The following ABCA9 variants were observed in gnomAD, a reference collection of about 807,000 sequenced individuals.
The protein encoded by ABCA9 is ATP-binding cassette sub-family A member 9.
A neutral mutation model predicts 205.3 loss-of-function variants in ABCA9; 183 were observed. The ratio of observed to expected loss-of-function variants is 0.89; its 90% confidence interval spans 0.79 to 1.01. The LOEUF (loss-of-function observed/expected upper bound fraction) is 1.01. Ranked by LOEUF, ABCA9 falls within the 50% of genes least tolerant of loss-of-function variation. The pLI is 0.00. For missense variants in ABCA9, 1,805 were observed against 1,912.4 expected (o/e 0.94, Z 1.05); for synonymous variants, 651 against 683.3 (o/e 0.95, Z 0.74).
At position 69,009,858 on chromosome 17, in the gene ABCA9, A is replaced by G. The variant is rs1246259510; in HGVS notation, c.3148-1623T>C. On this transcript the variant is annotated intron_variant, in intron 23 of 38. Coordinates refer to ENST00000340001, the MANE Select transcript of ABCA9 (RefSeq NM_080283.4). Reference sequence around the variant, plus strand: ...ATGAGAGAGAAAGAAAGACATTGACATCGTGGGGTTGCCAGTTAAATTTGA... The same window carrying G: ...ATGAGAGAGAAAGAAAGACATTGACGTCGTGGGGTTGCCAGTTAAATTTGA... Among the ~76,000 whole-genome samples, 5 of 152,278 alleles carry G rather than the reference A, an allele frequency of 3.3e-5. No homozygotes were observed. The Middle Eastern group carries it at 0.017, about 518-fold the overall frequency.
chr17:69,028,649 G>C lies in ABCA9; in HGVS notation c.1505-4C>G. On this transcript the variant is annotated splice_polypyrimidine_tract_variant and splice_region_variant and intron_variant, in intron 11 of 38. Coordinates refer to ENST00000340001, the MANE Select transcript of ABCA9 (RefSeq NM_080283.4). ...TCATATATGTCAAACACCACACCTG[G>C]CATGATTTTAAAAAAAATTACACTC... 4 of 1,538,982 alleles carry C rather than the reference G, an allele frequency of 2.6e-6. No individual in the cohort carries two copies. Among genetic ancestry groups the C allele is most frequent in the Non-Finnish European group, 3.5e-6 (4 of 1,140,178 alleles).
the ABCA9 span, among the ~76,000 whole-genome samples, chr17:69,077,295 A>G: frequency 6.6e-6 from 1 of 152,102 alleles, no homozygotes; most frequent in Admixed American, 6.6e-5. Context: ...AAAGTTTTTA[A>G]ATTTCCATGT....
At chr17:69,037,106 A>G (rs2071369360) in intron 6 of ABCA9, among the ~76,000 whole-genome samples, 3 of 152,092 alleles carry the variant, frequency 2.0e-5, no homozygotes, top group Non-Finnish European at 1.5e-5. Flanking sequence ...ACTCTGACAC[A>G]ATAATAATGG....
At chr17:69,071,452 G>A in the ABCA9 span, among the ~76,000 whole-genome samples, 2 of 152,270 alleles carry the variant, frequency 1.3e-5, no homozygotes, top group East Asian at 3.9e-4. Flanking sequence ...AGGCAAACAG[G>A]GTCTGGAGTG....
At chr17:69,045,407 G>A in intron 3 of ABCA9, 71 bp from the exon 4 acceptor site, 1 of 1,415,572 alleles carries the variant, frequency 7.1e-7, no homozygotes, top group Non-Finnish European at 9.4e-7. Context: ...CAATTATGTT[G>A]AGGTTATTTT....
intron 25 of ABCA9, among the ~76,000 whole-genome samples, chr17:69,006,262 G>A (rs1440634822): frequency 6.6e-6 from 1 of 152,178 alleles, no homozygotes; most frequent in African/African-American, 2.4e-5. Context: ...TGAATACATT[G>A]TGACCTAGTA....
rs572069831 is a variant in ABCA9 at position 68,995,799 on chromosome 17, C to T, written c.3555+96G>A. On this transcript the variant is annotated intron_variant, in intron 26 of 38. Coordinates refer to ENST00000340001, the MANE Select transcript of ABCA9 (RefSeq NM_080283.4). ...CAAAGACAGAGACTTTTAAACTTTG[C>T]ACAGCTGAGGACTCTATCTATATTT... 7.0e-5 allele frequency: 102 copies of T among 1,458,890 alleles called. 1 individual carries two copies. The African/African-American group carries it at 1.4e-3, about 19-fold the overall frequency. The allele number at this position is 1,458,890 out of a possible 1,614,324, so 90.4% of individuals were successfully genotyped here. A position where few individuals can be genotyped will look rare whatever the true frequency, so the allele number is the denominator to read the frequency against.
intron 25 of ABCA9, 41 bp downstream of exon 25, chr17:69,007,718 A>G: frequency 3.2e-6 from 4 of 1,260,150 alleles, no homozygotes; most frequent in Non-Finnish European, 4.6e-6. Context: ...TCTTGGATTT[A>G]TGAAAAATGG....
intron 11 of ABCA9, among the ~76,000 whole-genome samples, 195 bp from the exon 12 acceptor site, chr17:69,028,840 A>T (rs1052158038): frequency 3.9e-5 from 6 of 152,236 alleles, no homozygotes; most frequent in Non-Finnish European, 8.8e-5. Context: ...TTATTATGCA[A>T]TTAATTTTTT....
chr17:68,989,242 C>CCT (rs569197969), intron 30 of ABCA9, 124 bp from the exon 31 acceptor site: 6,758 of 332,528 alleles, frequency 0.02, 74 homozygotes, highest in Middle Eastern at 0.036. Flanking sequence ...TTCCCTTATT[C>CCT]CTCTCTCTCT....
At chr17:69,034,133 C>A (rs1318570262) in intron 8 of ABCA9, among the ~76,000 whole-genome samples, 1 of 152,148 alleles carries the variant, frequency 6.6e-6, no homozygotes, top group Non-Finnish European at 1.5e-5. Context: ...GGAGGAAGTA[C>A]AAACTCAAGA....
At chr17:69,022,240 G>T (rs181982761) in intron 17 of ABCA9, 1 of 151,804 alleles carries the variant, frequency 6.6e-6, no homozygotes, top group Non-Finnish European at 1.5e-5. Flanking sequence ...AATTATTAGA[G>T]AATTATAATA....
chr17:68,984,883 ACCACATTTGCTGCTGCC>A lies in ABCA9; in HGVS notation c.4364_4379+1del, dbSNP rs759020837. 6.2e-7 allele frequency: 1 copy of A among 1,614,182 alleles called. No individual in the cohort carries two copies. The highest frequency in any genetic ancestry group is 1.1e-5 in the South Asian group (1 of 91,082). Reference sequence around the variant, plus strand: ...CAGAGGTTGCTCATGATAGCACCTCACCACATTTGCTGCTGCCCCTCGGGGTCCATCCCGGTCGACGG... The same window carrying A: ...CAGAGGTTGCTCATGATAGCACCTCACCTCGGGGTCCATCCCGGTCGACGG... On this transcript the variant is annotated splice_donor_variant and coding_sequence_variant, in exon 34 of 39. Coordinates refer to ENST00000340001, the MANE Select transcript of ABCA9 (RefSeq NM_080283.4). LOFTEE classifies it high-confidence loss of function.
At chr17:69,069,109 G>A in the ABCA9 span, among the ~76,000 whole-genome samples, 1 of 152,066 alleles carries the variant, frequency 6.6e-6, no homozygotes, top group Non-Finnish European at 1.5e-5. Context: ...GTCATTATTC[G>A]CTTTCTTGCA....
intron 26 of ABCA9, among the ~76,000 whole-genome samples, chr17:68,993,567 T>A (rs2069523116): frequency 6.6e-6 from 1 of 152,256 alleles, no homozygotes; most frequent in African/African-American, 2.4e-5. Context: ...TTCACACGTA[T>A]ACATATAAGT....
chr17:69,032,226 A>G lies in ABCA9; in HGVS notation c.1327T>C (p.Trp443Arg). The change falls in exon 10 of 39, where the codon TGG (tryptophan) becomes CGG (arginine). Residue 443 changes from tryptophan to arginine, a missense_variant. Transcript: ENST00000340001. ...SPLFFLKSCF[W>R]FQHGRANHVV... The stretch of plus-strand genomic sequence containing the variant: ...TGATTAGCCCTTCCGTGTTGAAACC[A>G]AAAACAGGATTTCAGGAAAAACAAG... 6.2e-7 allele frequency: 1 copy of G among 1,613,708 alleles called. No individual in the cohort carries two copies. The highest frequency in any genetic ancestry group is 8.5e-7 in the Non-Finnish European group (1 of 1,179,714).
chr17:69,044,265 A>G (rs1269716198), intron 5 of ABCA9, among the ~76,000 whole-genome samples: 1 of 152,168 alleles, frequency 6.6e-6, no homozygotes, highest in Non-Finnish European at 1.5e-5. Context: ...TATTATGACT[A>G]TATATCCATG....
chr17:68,993,302 G>A (rs1044816125), intron 26 of ABCA9, among the ~76,000 whole-genome samples: 13 of 152,202 alleles, frequency 8.5e-5, no homozygotes, highest in African/African-American at 2.9e-4. Context: ...GTAACACTGT[G>A]AGTCAGCAGG....
intron 10 of ABCA9, among the ~76,000 whole-genome samples, chr17:69,031,675 C>T (rs756943478): frequency 2.0e-5 from 3 of 152,158 alleles, no homozygotes; most frequent in Admixed American, 6.5e-5. Flanking sequence ...ATGCCTGCAT[C>T]GCTTGCCTCT....
Sources: gnomAD v4.1 joint callset for allele counts (sites outside exome capture counted in the v4.1 genomes callset) on GRCh38, gnomAD v4.1.1 for gene constraint, MANE v1.5 for transcripts, NCBI Gene and HGNC (gene_info 2026-07-23, HGNC 2026-07-21) for gene names.